Variants in ZEB1 observed in about 807,000 individuals in gnomAD.
The protein encoded by ZEB1 is zinc finger E-box-binding homeobox 1.
A neutral mutation model predicts 84.9 loss-of-function variants in ZEB1; 21 were observed. That is an observed-to-expected ratio of 0.25 (90% confidence interval 0.18 to 0.36). The LOEUF is 0.36. ZEB1 is among the 10% of genes least tolerant of loss of function. The pLI is 1.00. For missense variants in ZEB1, 1,104 were observed against 1,330.2 expected (o/e 0.83, Z 2.65); for synonymous variants, 420 against 471.1 (o/e 0.89, Z 1.41).
chr10:31,403,146 G>C (rs1036145966), intron 1 of ZEB1, among the ~76,000 whole-genome samples: 11 of 152,018 alleles, frequency 7.2e-5, no homozygotes, highest in Admixed American at 2.0e-4. Context: ...GTAACCTTAG[G>C]TAAACAGAAA....
At chr10:31,526,589 C>T in intron 8 of ZEB1, 83 bp from the exon 9 acceptor site, 1 of 1,527,154 alleles carries the variant, frequency 6.5e-7, no homozygotes. Context: ...CCCCTTTCTA[C>T]AACATGAAGT....
At chr10:31,460,164 T>C (rs1439459947) in intron 1 of ZEB1, among the ~76,000 whole-genome samples, 1 of 152,004 alleles carries the variant, frequency 6.6e-6, no homozygotes, top group Non-Finnish European at 1.5e-5. Flanking sequence ...AGGAAAACAT[T>C]GATTATACTA....
intron 2 of ZEB1, among the ~76,000 whole-genome samples, chr10:31,470,879 A>G (rs2063145948): frequency 7.2e-6 from 1 of 139,752 alleles, no homozygotes; most frequent in South Asian, 2.5e-4. Context: ...CAGAAACCCT[A>G]CAAGCCAGAA....
At chr10:31,475,278 C>G (rs1305997446) in intron 2 of ZEB1, among the ~76,000 whole-genome samples, 1 of 151,064 alleles carries the variant, frequency 6.6e-6, no homozygotes, top group Non-Finnish European at 1.5e-5. Flanking sequence ...TGAACAAAGT[C>G]TTCAAGAAAT....
At chr10:31,374,126 G>T (rs1401913299) in intron 1 of ZEB1, among the ~76,000 whole-genome samples, 1 of 151,806 alleles carries the variant, frequency 6.6e-6, no homozygotes, top group Non-Finnish European at 1.5e-5. Context: ...AATGGCTGAT[G>T]AAGATTAGCA....
chr10:31,327,099 C>CTTTT (rs71527629), intron 1 of ZEB1, among the ~76,000 whole-genome samples: 111 of 84,882 alleles, frequency 1.3e-3, no homozygotes, highest in African/African-American at 1.8e-3. Flanking sequence ...CTTTTCTTTT[C>CTTTT]TTTTTTTTTT....
chr10:31,375,877 TC>T (rs1020909793), intron 1 of ZEB1, among the ~76,000 whole-genome samples: 14 of 151,818 alleles, frequency 9.2e-5, no homozygotes, highest in African/African-American at 3.1e-4. Flanking sequence ...CCTTTCTACA[TC>T]CATTCTTAAG....
At chr10:31,472,208 A>G (rs1411998177) in intron 2 of ZEB1, among the ~76,000 whole-genome samples, 1 of 151,772 alleles carries the variant, frequency 6.6e-6, no homozygotes, top group African/African-American at 2.4e-5. Context: ...AAATAACTAA[A>G]ATCAGAGCAG....
chr10:31,344,084 A>G (rs2039871423), intron 1 of ZEB1, among the ~76,000 whole-genome samples: 1 of 152,038 alleles, frequency 6.6e-6, no homozygotes, highest in African/African-American at 2.4e-5. Context: ...GATCCTGGTG[A>G]TATCATACAT....
At chr10:31,481,791 T>A (rs2065072737) in intron 2 of ZEB1, among the ~76,000 whole-genome samples, 1 of 151,916 alleles carries the variant, frequency 6.6e-6, no homozygotes, top group Non-Finnish European at 1.5e-5. Context: ...ATTATTATAA[T>A]CCAGAAAATA....
chr10:31,406,243 G>A (rs973950722), intron 1 of ZEB1, among the ~76,000 whole-genome samples: 1 of 152,132 alleles, frequency 6.6e-6, no homozygotes, highest in South Asian at 2.1e-4. Flanking sequence ...GGTATTTCTA[G>A]TTGTAGATCC....
intron 1 of ZEB1, among the ~76,000 whole-genome samples, chr10:31,398,476 A>T (rs1386000391): frequency 6.6e-6 from 1 of 151,978 alleles, no homozygotes; most frequent in African/African-American, 2.4e-5. Context: ...TTTTTCCTTC[A>T]CTACTGGATC....
chr10:31,329,852 T>G (rs1282772501), intron 1 of ZEB1, among the ~76,000 whole-genome samples: 1 of 152,196 alleles, frequency 6.6e-6, no homozygotes, highest in Non-Finnish European at 1.5e-5. Context: ...TTTTCCTTTG[T>G]GAACTGTCTG....
chr10:31,525,775 G>A (rs2073313355), intron 8 of ZEB1, among the ~76,000 whole-genome samples: 1 of 152,158 alleles, frequency 6.6e-6, no homozygotes, highest in African/African-American at 2.4e-5. Context: ...GGTTACATAA[G>A]AGAAAGTCAC....
rs1007239882 is a variant in ZEB1 at position 31,319,307 on chromosome 10, G to A, written c.58+15G>A. On this transcript the variant is annotated intron_variant, in intron 1 of 8. Transcript: ENST00000424869. ...GCGCAATAACGGTGAGTGGCGGAGG[G>A]GACCGGGGAGCGGCGGAGTCAGGGG... 8 of 1,604,558 alleles carry A rather than the reference G, an allele frequency of 5.0e-6. No individual in the cohort carries two copies. In the African/African-American group the frequency reaches 8.0e-5, roughly 16 times the overall value.
intron 1 of ZEB1, among the ~76,000 whole-genome samples, chr10:31,340,383 A>G (rs1201909874): frequency 3.3e-5 from 5 of 152,218 alleles, no homozygotes; most frequent in Non-Finnish European, 5.9e-5. Context: ...AGCAATATAG[A>G]AATCTGTTTT....
intron 1 of ZEB1, among the ~76,000 whole-genome samples, chr10:31,329,900 C>A (rs1589991688): frequency 6.6e-6 from 1 of 152,140 alleles, no homozygotes; most frequent in East Asian, 1.9e-4. Context: ...GATTGTTTGT[C>A]TTTTTATTAT....
intron 1 of ZEB1, among the ~76,000 whole-genome samples, chr10:31,454,134 T>C (rs1033134890): frequency 3.3e-5 from 5 of 152,126 alleles, no homozygotes; most frequent in Non-Finnish European, 5.9e-5. Flanking sequence ...TAATCCATTG[T>C]ATAAATGGAA....
intron 1 of ZEB1, among the ~76,000 whole-genome samples, chr10:31,432,505 C>G (rs575831020): frequency 1.2e-3 from 187 of 152,278 alleles, no homozygotes; most frequent in African/African-American, 4.3e-3. Context: ...AGGAGGATGT[C>G]TTGAGCCTGG....
Sources: gnomAD v4.1 joint callset for allele counts (sites outside exome capture counted in the v4.1 genomes callset) on GRCh38, gnomAD v4.1.1 for gene constraint, MANE v1.5 for transcripts, NCBI Gene and HGNC (gene_info 2026-07-23, HGNC 2026-07-21) for gene names.